Variants in MLPH observed in about 807,000 individuals in gnomAD.
MLPH encodes the protein melanophilin.
A neutral mutation model predicts 72.1 loss-of-function variants in MLPH; 51 were observed. The ratio of observed to expected loss-of-function variants is 0.71; its 90% CI spans 0.56 to 0.89. MLPH has a LOEUF of 0.89. Ranked by LOEUF, MLPH falls within the 40% of genes least tolerant of loss-of-function variation. The pLI is 0.00. For synonymous variants in MLPH, 301 were observed against 310.1 expected, an observed-to-expected ratio of 0.97 and a Z score of 0.31; for missense variants, 743 against 759.9, an observed-to-expected ratio of 0.98 and a Z score of 0.26.
intron 1 of MLPH, among the ~76,000 whole-genome samples, chr2:237,488,600 G>C (rs893814889): frequency 1.3e-5 from 2 of 152,198 alleles, no homozygotes; most frequent in African/African-American, 2.4e-5. Context: ...CCTCACTCAG[G>C]CTCTAAGAAC....
chr2:237,538,508 C>T (rs940352849), intron 9 of MLPH, among the ~76,000 whole-genome samples: 2 of 152,212 alleles, frequency 1.3e-5, no homozygotes, highest in Non-Finnish European at 2.9e-5. Flanking sequence ...GAGCTGCCCT[C>T]GAAGAATCGG....
At chr2:237,539,322 G>T (rs934267979) in intron 9 of MLPH, among the ~76,000 whole-genome samples, 4 of 152,206 alleles carry the variant, frequency 2.6e-5, no homozygotes, top group Non-Finnish European at 5.9e-5. Flanking sequence ...CGGGGGCCTC[G>T]CGTAGGCAGA....
intron 4 of MLPH, among the ~76,000 whole-genome samples, chr2:237,513,996 T>C (rs1031784354): frequency 6.6e-6 from 1 of 152,230 alleles, no homozygotes; most frequent in East Asian, 1.9e-4. Flanking sequence ...CGTGTATACA[T>C]GGGAGCCTTC....
intron 2 of MLPH, among the ~76,000 whole-genome samples, chr2:237,496,433 G>A (rs1279133262): frequency 6.6e-6 from 1 of 152,120 alleles, no homozygotes; most frequent in African/African-American, 2.4e-5. Flanking sequence ...TCTGACACCC[G>A]TCTTTCCTTA....
chr2:237,519,308 T>C (rs1421096578), intron 5 of MLPH, among the ~76,000 whole-genome samples: 1 of 152,130 alleles, frequency 6.6e-6, no homozygotes, highest in East Asian at 1.9e-4. Context: ...TCTTTGCGGC[T>C]GCTGTGAGGG....
At chr2:237,496,749 G>C (rs376815019) in intron 2 of MLPH, among the ~76,000 whole-genome samples, 1 of 152,292 alleles carries the variant, frequency 6.6e-6, no homozygotes, top group African/African-American at 2.4e-5. Flanking sequence ...GATGTCTTCC[G>C]ATGGGAAGGG....
At chr2:237,527,134 A>T (rs1323369542) in intron 7 of MLPH, among the ~76,000 whole-genome samples, 1 of 152,180 alleles carries the variant, frequency 6.6e-6, no homozygotes, top group Admixed American at 6.5e-5. Flanking sequence ...AAACATGCAA[A>T]GTATGTCCAC....
Position 237,515,047 on chromosome 2 carries a change from A to G in MLPH, c.446-3492A>G, listed in dbSNP as rs112128877. On this transcript the variant is annotated intron_variant, in intron 4 of 15. Coordinates refer to ENST00000264605, the MANE Select transcript of MLPH (RefSeq NM_024101.7). ...TTTTGCCAACTGGTTGACTATTTCT[A>G]TCTCTGTATTATAAATGGAAAACTG... 2.4e-3 allele frequency among the ~76,000 whole-genome samples: 360 copies of G among 152,306 alleles called. 1 individual carries two copies. The highest frequency in any genetic ancestry group is 8.2e-3 in the African/African-American group (339 of 41,584).
rs1478834508 is a variant in MLPH, at chr2:237,510,375, C to T, written c.111-199C>T. ...TTCCATTCCAGCCACCAAAATTGCC[C>T]GTTTGAGCTCAGCCCTCAAAACAAA... is the stretch of plus-strand genomic sequence containing the variant. On this transcript the variant is annotated intron_variant, in intron 2 of 15. Coordinates refer to ENST00000264605, the MANE Select transcript of MLPH (RefSeq NM_024101.7). The surrounding 1 kb of genome is among the most constrained non-coding windows in gnomAD (Gnocchi z 4.4). 3.1e-6 allele frequency: 2 copies of T among 645,948 alleles called. No individual in the cohort carries two copies. The highest frequency in any genetic ancestry group is 2.8e-5 in the East Asian group (1 of 36,310). The allele number at this position is 645,948 out of a possible 1,614,324, so 40.0% of individuals were successfully genotyped here. A position where few individuals can be genotyped will look rare whatever the true frequency, so the allele number is the denominator to read the frequency against.
At chr2:237,537,906 C>T (rs550085474) in intron 9 of MLPH, among the ~76,000 whole-genome samples, 6 of 152,320 alleles carry the variant, frequency 3.9e-5, no homozygotes, top group Admixed American at 2.0e-4. Context: ...GGCATCTCTG[C>T]GCGGCCCTCG....
At position 237,519,940 on chromosome 2, in the gene MLPH, G is replaced by A. The variant is rs151093322; in HGVS notation, c.586G>A (p.Asp196Asn). The change falls in exon 6 of 16, where the codon GAC becomes AAC. Residue 196 changes from aspartate to asparagine, a missense_variant. Physicochemically the swap from Asp to Asn is conservative, Grantham distance 23 (BLOSUM62 1). Transcript: ENST00000264605. ...GCGCCTCCTCTCCGTCCACGACTTC[G>A]ACTTCGAGGGAGACTCAGATGACTC... Reference protein sequence around the residue: ...KKRLLSVHDFDFEGDSDDSTQ... With the variant: ...KKRLLSVHDFNFEGDSDDSTQ... 29 of 1,613,868 alleles carry A rather than the reference G, an allele frequency of 1.8e-5. No individual in the cohort carries two copies. The African/African-American group carries it at 2.4e-4, about 13-fold the overall frequency.
At chr2:237,549,113 T>C in intron 13 of MLPH, 108 bp from the exon 14 acceptor site, 2 of 931,606 alleles carry the variant, frequency 2.1e-6, no homozygotes, top group Non-Finnish European at 3.5e-6. Flanking sequence ...CAGAAAATAG[T>C]GGCCATGGTT....
At chr2:237,530,803 G>A (rs923427753) in intron 8 of MLPH, among the ~76,000 whole-genome samples, 5 of 152,242 alleles carry the variant, frequency 3.3e-5, no homozygotes, top group African/African-American at 1.2e-4. Flanking sequence ...AGATCAGGGA[G>A]TGACTGGCTT....
Position 237,510,588 on chromosome 2 carries a change from A to G in MLPH, c.125A>G (p.Lys42Arg), listed in dbSNP as rs1422697588. 12 of 1,613,200 alleles carry G rather than the reference A, an allele frequency of 7.4e-6. No individual in the cohort carries two copies. Among genetic ancestry groups the G allele is most frequent in the Non-Finnish European group, 1.0e-5 (12 of 1,180,038 alleles). ...EEERLEALKG[K>R]IKKESSKREL... ...ATTTTCCCAAGGGCGTTGAAGGGCA[A>G]GATTAAGAAGGAAAGCTCCAAGAGG... The change falls in exon 3 of 16, where the codon AAG becomes AGG. Residue 42 changes from lysine to arginine, a missense_variant. Transcript: ENST00000264605. This position sits in a 1 kb window ranked among gnomAD's most constrained non-coding sequence, Gnocchi z 4.4.
rs2081095700 is a variant in MLPH, at chr2:237,554,613, G to A, written c.*1021G>A. On this transcript the variant is annotated 3_prime_UTR_variant, in exon 16 of 16. Coordinates refer to ENST00000264605, the MANE Select transcript of MLPH (RefSeq NM_024101.7). Reference sequence around the variant, plus strand: ...ACAGTAATCACATCTCACCCTCCCTGAGGTTCACTTTAGACAGGACCCAAT... The same window carrying A: ...ACAGTAATCACATCTCACCCTCCCTAAGGTTCACTTTAGACAGGACCCAAT... 5 of 152,258 alleles carry A rather than the reference G, an allele frequency of 3.3e-5. No individual in the cohort carries two copies. The highest frequency in any genetic ancestry group is 3.3e-4 in the Admixed American group (5 of 15,270). 9.4% of individuals were successfully genotyped at this position (152,258 alleles called of 1,614,324 possible).
chr2:237,513,967 G>C lies in MLPH; in HGVS notation c.445+2866G>C, dbSNP rs190681225. On this transcript the variant is annotated intron_variant, in intron 4 of 15. Transcript: ENST00000264605. ...TAAAAGGCAGATTCATTGGACAAAA[G>C]ATTTAGAAATGTGTTTACCGTGTAT... 1.9e-3 allele frequency among the ~76,000 whole-genome samples: 288 copies of C among 152,336 alleles called. 1 individual carries two copies. Among genetic ancestry groups the C allele is most frequent in the Non-Finnish European group, 3.4e-3 (233 of 68,030 alleles).
At chr2:237,487,107 TGGCGCTTCCCGCGCG>T (rs2079330307), upstream of MLPH, 1 of 152,218 alleles carries the variant, frequency 6.6e-6, no homozygotes, top group Admixed American at 6.5e-5. Context: ...TCCCCCGCAC[TGGCGCTTCCCGCGCG>T]GGCGCCCCAG....
chr2:237,542,574 A>G lies in MLPH; in HGVS notation c.1454A>G (p.Asp485Gly). 1 of 1,600,956 alleles carries G rather than the reference A, an allele frequency of 6.2e-7. No homozygotes were observed. Among genetic ancestry groups the G allele is most frequent in the Non-Finnish European group, 8.5e-7 (1 of 1,174,454 alleles). Residue 485 changes from aspartate to glycine, a missense_variant, in exon 12 of 16, where the codon GAC (aspartate) becomes GGC (glycine). Physicochemically the swap from Asp to Gly is moderately conservative, Grantham distance 94. Coordinates refer to ENST00000264605, the MANE Select transcript of MLPH (RefSeq NM_024101.7). ...TCTGCTGTCCTCTCGCAGGTTTCAGACATTGAATCCAGGATTGCAGCCCTG... is the reference window on the plus strand; with the variant it reads ...TCTGCTGTCCTCTCGCAGGTTTCAGGCATTGAATCCAGGATTGCAGCCCTG... The part of the protein sequence containing the change: ...EVQQAESEVS[D>G]IESRIAALRA...
At chr2:237,496,718 G>T (rs546286354) in intron 2 of MLPH, among the ~76,000 whole-genome samples, 4 of 152,220 alleles carry the variant, frequency 2.6e-5, no homozygotes, top group East Asian at 1.9e-4. Context: ...TGTGATTAGG[G>T]GGGGGCTTGT....
Sources: gnomAD v4.1 joint callset for allele counts (sites outside exome capture counted in the v4.1 genomes callset) on GRCh38, gnomAD v4.1.1 for gene constraint, Gnocchi (gnomAD v3.1) non-coding constraint, MANE v1.5 for transcripts, NCBI Gene and HGNC (gene_info 2026-07-23, HGNC 2026-07-21) for gene names.